COG3: variants seen among roughly 807,000 people sequenced by gnomAD.
The protein encoded by COG3 is conserved oligomeric Golgi complex subunit 3.
COG3 carries 32 observed loss-of-function variants against 114.1 expected under a neutral mutation model. The observed-to-expected ratio is 0.28, with a 90% confidence interval of 0.21 to 0.38. The LOEUF is 0.38. Among genes scored for constraint, COG3 ranks in the 10% least tolerant of loss-of-function variants. The probability of loss-of-function intolerance (pLI) is 1.00; values close to 1 mark genes in which losing one functional copy is unlikely to be tolerated. For missense variants in COG3, 813 were observed against 973.2 expected, an observed-to-expected ratio of 0.84 and a Z score of 2.19; for synonymous variants, 352 against 365.7, an observed-to-expected ratio of 0.96 and a Z score of 0.43.
rs779776053 is a variant in COG3 at position 45,481,249 on chromosome 13, C to G, written c.569C>G (p.Ala190Gly). The change falls in exon 5 of 23, where the codon GCT becomes GGT. Residue 190 changes from alanine (A) to glycine (G), a missense_variant. Physicochemically the swap from Ala to Gly is moderately conservative, Grantham distance 60 (BLOSUM62 0). Around this residue, in one of 2 missense-constraint regions of COG3, gnomAD observed 424 missense variants for 430.6 expected, o/e 0.98. Transcript: ENST00000349995. The part of the protein sequence containing the change: ...LKEQSELVDL[A>G]ENIQQKLSYF... ...TGCAAGTCGGAACTTGTTGATCTGG[C>G]TGAAAACATTCAACAAAAGCTTTCC... The G allele has an allele frequency of 1.2e-5, 19 of 1,595,120 alleles. No homozygotes were observed. The highest frequency in any genetic ancestry group is 1.7e-6 in the Non-Finnish European group (2 of 1,165,372).
At chr13:45,503,092 T>C (rs1869717969) in intron 13 of COG3, 152 bp from the exon 14 acceptor site, 2 of 416,106 alleles carry the variant, frequency 4.8e-6, no homozygotes, top group Non-Finnish European at 8.6e-6. Flanking sequence ...AACAAAAACA[T>C]TTCTAATATT....
chr13:45,529,265 AT>A (rs1872957938), intron 20 of COG3, among the ~76,000 whole-genome samples: 1 of 152,160 alleles, frequency 6.6e-6, no homozygotes, highest in Non-Finnish European at 1.5e-5. Context: ...TTTCATAGTT[AT>A]TTTTGTTATA....
chr13:45,489,262 CA>C (rs377551623), intron 8 of COG3, among the ~76,000 whole-genome samples: 2 of 43,594 alleles, frequency 4.6e-5, no homozygotes, highest in African/African-American at 9.6e-5. Context: ...GACCCAGCCT[CA>C]AAAAAAAAAA....
At position 45,508,403 on chromosome 13, in the gene COG3, TAC is replaced by T. The variant is rs1182268847; in HGVS notation, c.1595-1267_1595-1266del. On this transcript the variant is annotated intron_variant, in intron 14 of 22. Transcript: ENST00000349995. ...ATATATTTTTATATATATATATATA[TAC>T]ACACACACACACACACACACATACA... 8.0e-3 allele frequency among the ~76,000 whole-genome samples: 1,061 copies of T among 132,996 alleles called. 9 individuals are homozygous for T. The highest frequency in any genetic ancestry group is 0.032 in the East Asian group (157 of 4,850). The allele number at this position is 132,996 out of a possible 152,430, so 87.3% of individuals were successfully genotyped here. A position where few individuals can be genotyped will look rare whatever the true frequency, so the allele number is the denominator to read the frequency against.
At chr13:45,526,877 A>T (rs934778655) in intron 20 of COG3, among the ~76,000 whole-genome samples, 2 of 152,224 alleles carry the variant, frequency 1.3e-5, no homozygotes, top group African/African-American at 4.8e-5. Context: ...AGGCAGACTT[A>T]TCAGTTCACA....
At chr13:45,527,371 T>A (rs1872787378) in intron 20 of COG3, among the ~76,000 whole-genome samples, 1 of 152,204 alleles carries the variant, frequency 6.6e-6, no homozygotes, top group Non-Finnish European at 1.5e-5. Flanking sequence ...AATATAGCAA[T>A]GACAGTTCAG....
intron 3 of COG3, among the ~76,000 whole-genome samples, chr13:45,479,597 G>A (rs999795110): frequency 2.0e-5 from 3 of 152,120 alleles, no homozygotes; most frequent in African/African-American, 4.8e-5. Context: ...TTTAATCTTC[G>A]TAACAGCTGT....
intron 13 of COG3, among the ~76,000 whole-genome samples, chr13:45,499,380 T>C (rs1339540808): frequency 1.3e-5 from 2 of 152,226 alleles, no homozygotes; most frequent in Admixed American, 6.5e-5. Flanking sequence ...TACTAAGATA[T>C]ACAATGAGAT....
At chr13:45,516,119 C>T in intron 16 of COG3, 24 bp from the exon 17 acceptor site, 1 of 1,501,500 alleles carries the variant, frequency 6.7e-7, no homozygotes, top group South Asian at 1.3e-5. Context: ...GTGATCATAT[C>T]CATTTTTCTG....
At chr13:45,520,289 AAAAAAATAAAAAT>A (rs1036902253) in intron 19 of COG3, among the ~76,000 whole-genome samples, 1 of 126,530 alleles carries the variant, frequency 7.9e-6, no homozygotes, top group African/African-American at 3.2e-5. Context: ...CTGTCTCAAA[AAAAAAATAAAAAT>A]AAAAATAAAA....
At chr13:45,532,474 T>G (rs1873237018) in intron 22 of COG3, among the ~76,000 whole-genome samples, 1 of 151,900 alleles carries the variant, frequency 6.6e-6, no homozygotes, top group Non-Finnish European at 1.5e-5. Flanking sequence ...TGGAGAAGTC[T>G]TGTTCCTTTT....
intron 15 of COG3, among the ~76,000 whole-genome samples, chr13:45,510,570 A>G (rs1870750032): frequency 1.3e-5 from 2 of 152,218 alleles, no homozygotes; most frequent in South Asian, 4.1e-4. Flanking sequence ...CGCAGGAGGC[A>G]TATTCCACAT....
intron 1 of COG3, among the ~76,000 whole-genome samples, chr13:45,471,984 C>T (rs924124923): frequency 4.6e-5 from 7 of 152,146 alleles, no homozygotes; most frequent in African/African-American, 1.4e-4. Flanking sequence ...CCACCTGCCT[C>T]GGCCTCCGAA....
chr13:45,488,872 T>A (rs2137822528), intron 8 of COG3, among the ~76,000 whole-genome samples: 1 of 152,244 alleles, frequency 6.6e-6, no homozygotes, highest in Non-Finnish European at 1.5e-5. Flanking sequence ...TTCACTTCCT[T>A]GCTTGTTTCT....
In COG3 at chr13:45,496,345, C is replaced by G. The variant is rs745563132; in HGVS notation, c.1488+33C>G. 15 of 1,441,492 alleles carry G rather than the reference C, an allele frequency of 1.0e-5. No individual in the cohort carries two copies. In the African/African-American group the frequency reaches 1.7e-4, roughly 17 times the overall value. 89.3% of individuals were successfully genotyped at this position (1,441,492 alleles called of 1,614,324 possible). A position where few individuals can be genotyped will look rare whatever the true frequency, so the allele number is the denominator to read the frequency against. ...CTCCTTACTTGATCTCCCGTCTGCC[C>G]CCACACAGCTTTTAGATGTTTTATT... On this transcript the variant is annotated intron_variant, in intron 13 of 22. Coordinates refer to ENST00000349995, the MANE Select transcript of COG3 (RefSeq NM_031431.4).
At chr13:45,509,558 G>T in intron 14 of COG3, 134 bp from the exon 15 acceptor site, 2 of 944,412 alleles carry the variant, frequency 2.1e-6, no homozygotes, top group Non-Finnish European at 1.6e-6. Flanking sequence ...GATGAAAACT[G>T]AGGTGGGAAA....
intron 1 of COG3, among the ~76,000 whole-genome samples, chr13:45,475,490 C>A (rs1047193598): frequency 2.0e-5 from 3 of 152,126 alleles, no homozygotes; most frequent in Admixed American, 2.0e-4. Flanking sequence ...AGGCGTGAGC[C>A]ACTGAACCCG....
At chr13:45,467,839 C>T (rs1370823497) in intron 1 of COG3, among the ~76,000 whole-genome samples, 4 of 152,110 alleles carry the variant, frequency 2.6e-5, no homozygotes, top group Non-Finnish European at 1.5e-5. Flanking sequence ...TGTAGTGTTT[C>T]ACAATTTTCA....
At chr13:45,497,925 G>A (rs923530179) in intron 13 of COG3, among the ~76,000 whole-genome samples, 10 of 152,088 alleles carry the variant, frequency 6.6e-5, no homozygotes, top group African/African-American at 2.4e-4. Context: ...AATGAGTAAA[G>A]ATATCAAGTC....
Sources: allele counts gnomAD v4.1 joint callset (sites outside exome capture counted in the v4.1 genomes callset), GRCh38; gene constraint gnomAD v4.1.1; regional missense constraint gnomAD v4.1.1; transcripts MANE v1.5; gene names NCBI Gene and HGNC (gene_info 2026-07-23, HGNC 2026-07-21).